CLIC4: variants seen among roughly 807,000 people sequenced by gnomAD.
CLIC4 encodes the protein chloride intracellular channel protein 4.
CLIC4 carries 13 observed loss-of-function variants against 24.6 expected under a neutral mutation model. The observed-to-expected ratio is 0.53, with a 90% CI of 0.34 to 0.84. The LOEUF is 0.84. Ranked by LOEUF, CLIC4 falls within the 40% of genes least tolerant of loss-of-function variation. CLIC4 has a pLI of 0.01. For missense variants in CLIC4, 227 were observed against 301.7 expected (o/e 0.75, Z 1.83); for synonymous variants, 104 against 111.3 (o/e 0.93, Z 0.41).
chr1:24,813,997 G>A, intron 2 of CLIC4, 97 bp from the exon 3 acceptor site: 10 of 1,445,350 alleles, frequency 6.9e-6, no homozygotes, highest in South Asian at 2.3e-5. Flanking sequence ...GACTACAGAC[G>A]CAAGCCACCG....
chr1:24,747,969 G>T (rs1035849776), intron 1 of CLIC4, among the ~76,000 whole-genome samples: 4 of 150,040 alleles, frequency 2.7e-5, no homozygotes, highest in East Asian at 2.0e-4. Flanking sequence ...AGGTTGGAGT[G>T]AGCCAAGATC....
rs971632487 is a variant in CLIC4 at position 24,776,371 on chromosome 1, A to G, written c.73-21371A>G. On this transcript the variant is annotated intron_variant, in intron 1 of 5. Coordinates refer to ENST00000374379, the MANE Select transcript of CLIC4 (RefSeq NM_013943.3). ...TGCAGTTCCTTTCCTCCAAGTGCCA[A>G]CTCCCCTCCAATATTTGCCTGCTTT... Among the ~76,000 whole-genome samples the G allele has an allele frequency of 2.0e-5, 3 of 151,364 alleles. No homozygotes were observed. The South Asian group carries it at 6.3e-4, about 32-fold the overall frequency.
rs187718809 is a variant in CLIC4, at chr1:24,780,787, G to C, written c.73-16955G>C. On this transcript the variant is annotated intron_variant, in intron 1 of 5. Transcript: ENST00000374379. ...GATGACATCAGAGTTTGAGAAGCTG[G>C]GATAGAAACTGAAAGGACAGCTGGG... Among the ~76,000 whole-genome samples, 549 of 152,196 alleles carry C rather than the reference G, an allele frequency of 3.6e-3. 3 individuals are homozygous for C. Among genetic ancestry groups the C allele is most frequent in the Non-Finnish European group, 5.9e-3 (404 of 68,000 alleles).
At chr1:24,820,384 CCT>C (rs1417648084) in intron 3 of CLIC4, among the ~76,000 whole-genome samples, 1 of 149,562 alleles carries the variant, frequency 6.7e-6, no homozygotes, top group Non-Finnish European at 1.5e-5. Flanking sequence ...AAGCAATTCC[CCT>C]GAGGCACTGG....
At chr1:24,765,624 G>A (rs1638983921) in intron 1 of CLIC4, among the ~76,000 whole-genome samples, 1 of 152,170 alleles carries the variant, frequency 6.6e-6, no homozygotes, top group Non-Finnish European at 1.5e-5. Flanking sequence ...GTTGAGAGCA[G>A]CTATTGTCCT....
chr1:24,831,800 G>A (rs897653134), intron 4 of CLIC4, among the ~76,000 whole-genome samples: 2 of 152,012 alleles, frequency 1.3e-5, no homozygotes, highest in African/African-American at 4.8e-5. Context: ...CACCATGCCT[G>A]GCTAAGTTTT....
intron 1 of CLIC4, among the ~76,000 whole-genome samples, chr1:24,777,618 T>C (rs1639156696): frequency 6.6e-6 from 1 of 152,204 alleles, no homozygotes; most frequent in Non-Finnish European, 1.5e-5. Flanking sequence ...CTTGGTGACA[T>C]TGGTGCCCAG....
chr1:24,792,170 G>A (rs1164735769), intron 1 of CLIC4, among the ~76,000 whole-genome samples: 1 of 150,866 alleles, frequency 6.6e-6, no homozygotes, highest in Non-Finnish European at 1.5e-5. Context: ...GTGTATATGT[G>A]TATGTGTGTG....
intron 1 of CLIC4, among the ~76,000 whole-genome samples, chr1:24,745,990 C>G (rs1638690468): frequency 6.6e-6 from 1 of 150,692 alleles, no homozygotes; most frequent in Admixed American, 6.6e-5. Flanking sequence ...CCCGCCCGGG[C>G]GCCGGGGCCC....
intron 4 of CLIC4, among the ~76,000 whole-genome samples, chr1:24,835,795 G>A (rs921704838): frequency 1.1e-4 from 17 of 152,080 alleles, no homozygotes; most frequent in Admixed American, 3.9e-4. Flanking sequence ...TAATCCATAG[G>A]AAGGTAGGAG....
intron 1 of CLIC4, among the ~76,000 whole-genome samples, chr1:24,751,830 C>A (rs1459622027): frequency 6.6e-6 from 1 of 152,200 alleles, no homozygotes; most frequent in Non-Finnish European, 1.5e-5. Flanking sequence ...TGCCATTGCA[C>A]TCCAGCCTGA....
At chr1:24,823,086 T>C (rs190969417) in intron 3 of CLIC4, among the ~76,000 whole-genome samples, 1 of 152,332 alleles carries the variant, frequency 6.6e-6, no homozygotes, top group East Asian at 1.9e-4. Flanking sequence ...TAATAACATG[T>C]TTTTGTCATT....
intron 1 of CLIC4, among the ~76,000 whole-genome samples, chr1:24,756,581 T>C (rs181031379): frequency 6.6e-6 from 1 of 152,212 alleles, no homozygotes; most frequent in Non-Finnish European, 1.5e-5. Flanking sequence ...AAAATGTCAA[T>C]CACTTGTAAT....
chr1:24,770,585 C>G (rs1039283643), intron 1 of CLIC4, among the ~76,000 whole-genome samples: 3 of 152,122 alleles, frequency 2.0e-5, no homozygotes, highest in African/African-American at 7.2e-5. Flanking sequence ...TATAAGGAAT[C>G]TTTCTGTAAA....
At chr1:24,812,731 T>G (rs1250924788) in intron 2 of CLIC4, among the ~76,000 whole-genome samples, 1 of 152,138 alleles carries the variant, frequency 6.6e-6, no homozygotes, top group East Asian at 1.9e-4. Flanking sequence ...ATTTCTTTCT[T>G]TTTTTTGAGA....
At chr1:24,788,309 A>G (rs943222004) in intron 1 of CLIC4, among the ~76,000 whole-genome samples, 1 of 152,170 alleles carries the variant, frequency 6.6e-6, no homozygotes, top group Admixed American at 6.6e-5. Flanking sequence ...TAATTTTAAA[A>G]CATTTTCATC....
In CLIC4 at chr1:24,844,035, C is replaced by T. The variant is rs904474994; in HGVS notation, c.*3098C>T. The T allele has an allele frequency of 2.0e-5, 3 of 152,494 alleles. No individual in the cohort carries two copies. The highest frequency in any genetic ancestry group is 7.2e-5 in the African/African-American group (3 of 41,414). The allele number at this position is 152,494 out of a possible 1,614,324, so 9.4% of individuals were successfully genotyped here. ...ACATGTGGGCTTTTAAAAACTCCAT[C>T]CTTTATAAATAGTCAAGGTTTGGGC... On this transcript the variant is annotated 3_prime_UTR_variant, in exon 6 of 6. Coordinates refer to ENST00000374379, the MANE Select transcript of CLIC4 (RefSeq NM_013943.3).
chr1:24,766,902 C>G (rs1343407497), intron 1 of CLIC4, among the ~76,000 whole-genome samples: 1 of 151,050 alleles, frequency 6.6e-6, no homozygotes, highest in African/African-American at 2.4e-5. Flanking sequence ...TAATGGAAGA[C>G]TGGATCTTTA....
At chr1:24,835,740 A>G (rs1639880048) in intron 4 of CLIC4, among the ~76,000 whole-genome samples, 1 of 152,210 alleles carries the variant, frequency 6.6e-6, no homozygotes. Flanking sequence ...AAGGATGTAT[A>G]TTAAGCTAAT....
Sources: gnomAD v4.1 joint callset for allele counts (sites outside exome capture counted in the v4.1 genomes callset) on GRCh38, gnomAD v4.1.1 for gene constraint, MANE v1.5 for transcripts, NCBI Gene and HGNC (gene_info 2026-07-23, HGNC 2026-07-21) for gene names.